HS3ST4: variants seen among roughly 807,000 people sequenced by gnomAD.
The protein encoded by HS3ST4 is heparan sulfate glucosamine 3-O-sulfotransferase 4.
HS3ST4 carries 17 observed loss-of-function variants against 29.2 expected under a neutral mutation model. That is an observed-to-expected ratio of 0.58 (90% CI 0.40 to 0.87). The LOEUF (loss-of-function observed/expected upper bound fraction) is 0.87, where lower values mean the gene tolerates loss of function less well. Among genes scored for constraint, HS3ST4 ranks in the 40% least tolerant of loss-of-function variants. HS3ST4 has a pLI of 0.00. For missense variants in HS3ST4, 627 were observed against 634.5 expected (o/e 0.99, Z 0.13); for synonymous variants, 314 against 285.7 (o/e 1.10, Z -1.00).
At chr16:26,049,740 C>T (rs941964841) in intron 1 of HS3ST4, among the ~76,000 whole-genome samples, 2 of 152,146 alleles carry the variant, frequency 1.3e-5, no homozygotes, top group African/African-American at 4.8e-5. Context: ...GGCATTTTAC[C>T]TGTGCCTCTA....
At chr16:26,037,243 G>T (rs1320800644) in intron 1 of HS3ST4, among the ~76,000 whole-genome samples, 1 of 152,192 alleles carries the variant, frequency 6.6e-6, no homozygotes, top group Non-Finnish European at 1.5e-5. Flanking sequence ...AGATAAGGAG[G>T]CCACAGGCCA....
chr16:25,945,805 C>T (rs1261459392), intron 1 of HS3ST4, among the ~76,000 whole-genome samples: 1 of 152,206 alleles, frequency 6.6e-6, no homozygotes, highest in Middle Eastern at 3.2e-3. Context: ...AACAACCCAC[C>T]TTTCCATTCC....
intron 1 of HS3ST4, among the ~76,000 whole-genome samples, chr16:25,957,945 C>T (rs1968753661): frequency 1.3e-5 from 2 of 152,082 alleles, no homozygotes; most frequent in Non-Finnish European, 2.9e-5. Context: ...TTAGACTCTT[C>T]TTGTAAGGAG....
At chr16:26,090,891 T>C (rs898923452) in intron 1 of HS3ST4, among the ~76,000 whole-genome samples, 8 of 151,872 alleles carry the variant, frequency 5.3e-5, no homozygotes, top group African/African-American at 1.9e-4. Context: ...GAGAATGAGG[T>C]GCATGCCTGA....
intron 1 of HS3ST4, among the ~76,000 whole-genome samples, chr16:26,107,349 C>G (rs1899070853): frequency 1.4e-5 from 1 of 73,676 alleles, no homozygotes; most frequent in African/African-American, 4.4e-5. Flanking sequence ...GATTGGCATA[C>G]AAACACACAC....
chr16:25,885,340 A>T (rs1967938076), intron 1 of HS3ST4, among the ~76,000 whole-genome samples: 1 of 152,186 alleles, frequency 6.6e-6, no homozygotes, highest in African/African-American at 2.4e-5. Flanking sequence ...AGAAATGTGA[A>T]AATTTGGTTT....
At chr16:26,063,017 G>A (rs1413364728) in intron 1 of HS3ST4, 1 of 158,954 alleles carries the variant, frequency 6.3e-6, no homozygotes, top group East Asian at 1.8e-4. Context: ...GGAAGCATAT[G>A]CCTTCTTTGG....
chr16:25,750,963 C>T (rs1247332491), intron 1 of HS3ST4, among the ~76,000 whole-genome samples: 1 of 152,122 alleles, frequency 6.6e-6, no homozygotes, highest in Non-Finnish European at 1.5e-5. Context: ...AACTTCAGGG[C>T]AGGGCAGGCA....
intron 1 of HS3ST4, among the ~76,000 whole-genome samples, chr16:25,859,468 A>G (rs4369667): frequency 0.97 from 147,247 of 152,262 alleles, 71,233 homozygotes; most frequent in East Asian, 1. Context: ...GCCCTACAAC[A>G]TATGTGCTTT....
chr16:26,116,738 C>T (rs998279482), intron 1 of HS3ST4, among the ~76,000 whole-genome samples: 1 of 152,162 alleles, frequency 6.6e-6, no homozygotes, highest in African/African-American at 2.4e-5. Context: ...CTTATCTGCT[C>T]ATCCATTCAT....
intron 1 of HS3ST4, among the ~76,000 whole-genome samples, chr16:26,014,481 C>T (rs2141742415): frequency 6.6e-6 from 1 of 152,296 alleles, no homozygotes; most frequent in Non-Finnish European, 1.5e-5. Context: ...TTTCTCATTT[C>T]ACACCCTCCT....
At chr16:25,705,403 C>G (rs112352498) in intron 1 of HS3ST4, among the ~76,000 whole-genome samples, 6,223 of 152,198 alleles carry the variant, frequency 0.041, 169 homozygotes, top group Middle Eastern at 0.085. Context: ...CGGTGGCTCA[C>G]GCCTGTAATC....
intron 1 of HS3ST4, among the ~76,000 whole-genome samples, chr16:26,033,345 G>A (rs1969550078): frequency 6.6e-6 from 1 of 151,902 alleles, no homozygotes; most frequent in Non-Finnish European, 1.5e-5. Flanking sequence ...GTGAAACCCT[G>A]TCTCTACTAA....
intron 1 of HS3ST4, among the ~76,000 whole-genome samples, chr16:26,111,188 C>A (rs1339038487): frequency 6.6e-6 from 1 of 151,990 alleles, no homozygotes; most frequent in Non-Finnish European, 1.5e-5. Context: ...TGATCTTCCT[C>A]CCGCCTCAGC....
At position 25,898,577 on chromosome 16, in the gene HS3ST4, G is replaced by T. The variant is rs527309748; in HGVS notation, c.734+205426G>T. ...TTTCCTGTAAATTAACTCACTTTGG[G>T]AAATATTTATGTAGATTAAAATACA... On this transcript the variant is annotated intron_variant, in intron 1 of 1. Coordinates refer to ENST00000331351, the MANE Select transcript of HS3ST4 (RefSeq NM_006040.3). Among the ~76,000 whole-genome samples, 8 of 152,278 alleles carry T rather than the reference G, an allele frequency of 5.3e-5. No individual in the cohort carries two copies. In the South Asian group the frequency reaches 1.5e-3, roughly 28 times the overall value.
chr16:26,014,932 T>A (rs1969349120), intron 1 of HS3ST4, among the ~76,000 whole-genome samples: 1 of 152,208 alleles, frequency 6.6e-6, no homozygotes, highest in Admixed American at 6.5e-5. Context: ...TTTAGAGACT[T>A]CTTCTGGCTA....
chr16:25,762,776 C>T (rs1376016144), intron 1 of HS3ST4, among the ~76,000 whole-genome samples: 2 of 141,246 alleles, frequency 1.4e-5, no homozygotes, highest in African/African-American at 2.6e-5. Context: ...ACTTGGGATG[C>T]TGAGATGGGA....
chr16:25,822,929 G>A (rs910292093), intron 1 of HS3ST4, among the ~76,000 whole-genome samples: 1 of 152,020 alleles, frequency 6.6e-6, no homozygotes, highest in Non-Finnish European at 1.5e-5. Context: ...GTAGAGAAAG[G>A]ATTTCCCTAT....
At chr16:25,902,724 G>A (rs1220388451) in intron 1 of HS3ST4, among the ~76,000 whole-genome samples, 2 of 151,912 alleles carry the variant, frequency 1.3e-5, no homozygotes, top group African/African-American at 4.8e-5. Context: ...AAAATCACAA[G>A]AAAGCGGCAA....
Sources: allele counts gnomAD v4.1 joint callset (sites outside exome capture counted in the v4.1 genomes callset), GRCh38; gene constraint gnomAD v4.1.1; transcripts MANE v1.5; gene names NCBI Gene and HGNC (gene_info 2026-07-23, HGNC 2026-07-21).